Variants in TMEFF1 observed in about 807,000 individuals in gnomAD.
TMEFF1 encodes the protein transmembrane protein with EGF like and two follistatin like domains 1, also known as tomoregulin-1.
In TMEFF1, 20 loss-of-function variants were observed where a neutral mutation model predicts 47.5. The observed-to-expected ratio is 0.42, with a 90% CI of 0.30 to 0.61. The LOEUF is 0.61. Ranked by LOEUF, TMEFF1 falls within the 20% of genes least tolerant of loss-of-function variation. The probability of loss-of-function intolerance (pLI) is 0.19; values close to 1 mark genes in which losing one functional copy is unlikely to be tolerated. For synonymous variants in TMEFF1, 162 were observed against 166.3 expected, an observed-to-expected ratio of 0.97 and a Z score of 0.20; for missense variants, 411 against 471.1, an observed-to-expected ratio of 0.87 and a Z score of 1.18.
In TMEFF1 at chr9:100,516,724, AC is replaced by A; in HGVS notation, c.516del (p.Cys173AlafsTer20). 6.2e-7 allele frequency: 1 copy of A among 1,613,888 alleles called. No individual in the cohort carries two copies. The highest frequency in any genetic ancestry group is 8.5e-7 in the Non-Finnish European group (1 of 1,179,906). ...TTCACAGAAAACACTCCAAGTGTGGACCCTGCAAATATAAAGCTGAGTGTGA... is the reference window on the plus strand; with the variant it reads ...TTCACAGAAAACACTCCAAGTGTGGACCTGCAAATATAAAGCTGAGTGTGA... ...EVHRKHSKCG[P>X]CKYKAECDED... is the part of the protein sequence containing the mutation. On this transcript the variant is annotated frameshift_variant, in exon 5 of 10. Coordinates refer to ENST00000374879, the MANE Select transcript of TMEFF1 (RefSeq NM_003692.5). LOFTEE classifies it high-confidence loss of function.
chr9:100,503,589 C>T (rs981687466), intron 2 of TMEFF1, among the ~76,000 whole-genome samples: 7 of 149,894 alleles, frequency 4.7e-5, no homozygotes, highest in South Asian at 2.1e-4. Flanking sequence ...AATGTGAGAG[C>T]GAGCGAGCAA....
chr9:100,477,620 C>CTTT (rs869245620), intron 1 of TMEFF1, among the ~76,000 whole-genome samples: 97 of 106,748 alleles, frequency 9.1e-4, no homozygotes, highest in East Asian at 2.3e-3. Flanking sequence ...TGCATTCCGC[C>CTTT]TTTTTTTTTT....
chr9:100,542,405 T>C (rs1200333823), intron 5 of TMEFF1, among the ~76,000 whole-genome samples: 3 of 152,196 alleles, frequency 2.0e-5, no homozygotes, highest in Non-Finnish European at 4.4e-5. Context: ...TCTCAGACTT[T>C]CCTTAAAGGA....
intron 8 of TMEFF1, among the ~76,000 whole-genome samples, chr9:100,562,630 GTTTGTTTTGT>G (rs55940754): frequency 0.029 from 4,158 of 142,404 alleles, 94 homozygotes; most frequent in African/African-American, 0.067. Flanking sequence ...TTTTTTTTTT[GTTTGTTTTGT>G]TTTGTTTTGT....
intron 5 of TMEFF1, among the ~76,000 whole-genome samples, chr9:100,516,973 T>A (rs1838085836): frequency 2.0e-5 from 3 of 152,200 alleles, no homozygotes; most frequent in African/African-American, 7.2e-5. Context: ...AATTTTAGAA[T>A]GATAATCCAT....
chr9:100,522,656 T>C (rs1174996938), intron 5 of TMEFF1, among the ~76,000 whole-genome samples: 1 of 151,820 alleles, frequency 6.6e-6, no homozygotes, highest in Non-Finnish European at 1.5e-5. Context: ...AGGCTGGTCT[T>C]GAACTCCTGA....
chr9:100,529,821 A>G (rs1274652432), intron 5 of TMEFF1, among the ~76,000 whole-genome samples: 1 of 152,190 alleles, frequency 6.6e-6, no homozygotes, highest in African/African-American at 2.4e-5. Flanking sequence ...CACCTATTCC[A>G]AAATTGACCA....
At chr9:100,547,227 G>A (rs908073669) in intron 5 of TMEFF1, among the ~76,000 whole-genome samples, 2 of 151,954 alleles carry the variant, frequency 1.3e-5, no homozygotes, top group Admixed American at 6.6e-5. Context: ...TGTTTCCTAG[G>A]CTGGTCTCAA....
intron 2 of TMEFF1, among the ~76,000 whole-genome samples, chr9:100,508,271 A>G (rs1485096172): frequency 6.6e-6 from 1 of 152,072 alleles, no homozygotes; most frequent in African/African-American, 2.4e-5. Flanking sequence ...GATATTTCTA[A>G]CATGTAGATG....
At chr9:100,498,312 C>G (rs1247394239) in intron 1 of TMEFF1, among the ~76,000 whole-genome samples, 1 of 152,000 alleles carries the variant, frequency 6.6e-6, no homozygotes, top group African/African-American at 2.4e-5. Flanking sequence ...AATGATCACC[C>G]AAAATTTATT....
intron 8 of TMEFF1, among the ~76,000 whole-genome samples, chr9:100,565,586 A>G (rs1233004755): frequency 2.0e-5 from 3 of 151,998 alleles, no homozygotes; most frequent in Non-Finnish European, 2.9e-5. Context: ...CCTCTCCTGT[A>G]TGATTTCTTT....
In TMEFF1 at chr9:100,507,787, A is replaced by G. The variant is rs896577325; in HGVS notation, c.307-1218A>G. Among the ~76,000 whole-genome samples, 16 of 152,312 alleles carry G rather than the reference A, an allele frequency of 1.1e-4. No homozygotes were observed. The East Asian group carries it at 2.9e-3, about 27-fold the overall frequency. ...TTTCTTGAACAGTTATACTTCAATT[A>G]AACATTGTCTTGTTAGATATTAAGA... On this transcript the variant is annotated intron_variant, in intron 2 of 9. Transcript: ENST00000374879.
At chr9:100,487,222 A>G (rs115533946) in intron 1 of TMEFF1, among the ~76,000 whole-genome samples, 1 of 151,948 alleles carries the variant, frequency 6.6e-6, no homozygotes, top group Non-Finnish European at 1.5e-5. Context: ...GGAGTACAGT[A>G]TCACTATCTT....
At chr9:100,517,422 C>T (rs1243064863) in intron 5 of TMEFF1, among the ~76,000 whole-genome samples, 2 of 152,150 alleles carry the variant, frequency 1.3e-5, no homozygotes, top group African/African-American at 2.4e-5. Flanking sequence ...CTTACTTGTA[C>T]ATATTTTTGG....
chr9:100,528,350 T>A (rs1446347310), intron 5 of TMEFF1, among the ~76,000 whole-genome samples: 1 of 147,814 alleles, frequency 6.8e-6, no homozygotes, highest in Non-Finnish European at 1.5e-5. Flanking sequence ...TGAAAAAAAT[T>A]TAGAAGAATG....
chr9:100,537,634 C>A (rs1488248412), intron 5 of TMEFF1, among the ~76,000 whole-genome samples: 1 of 152,212 alleles, frequency 6.6e-6, no homozygotes, highest in Non-Finnish European at 1.5e-5. Flanking sequence ...AGTGGAAGAT[C>A]AGAATAGATG....
rs376631095 is a variant in TMEFF1, at chr9:100,566,692, C to CCTTTTTT, written c.899+5194_899+5200dup. 1.8e-3 allele frequency among the ~76,000 whole-genome samples: 272 copies of CCTTTTTT among 152,046 alleles called. 1 individual carries two copies. The highest frequency in any genetic ancestry group is 6.4e-3 in the African/African-American group (264 of 41,468). On this transcript the variant is annotated intron_variant, in intron 8 of 9. Coordinates refer to ENST00000374879, the MANE Select transcript of TMEFF1 (RefSeq NM_003692.5). ...AAACAGCAGACAGTGAGTGCCCCCG[C>CCTTTTTT]CTTTTTTCTTTTTTCTTTTTTCTTT...
Position 100,473,723 on chromosome 9 carries a change from A to G in TMEFF1, c.179A>G (p.Lys60Arg). 2 of 1,530,224 alleles carry G rather than the reference A, an allele frequency of 1.3e-6. No individual in the cohort carries two copies. The highest frequency in any genetic ancestry group is 1.8e-6 in the Non-Finnish European group (2 of 1,137,514). The allele number at this position is 1,530,224 out of a possible 1,614,324, so 94.8% of individuals were successfully genotyped here. Residue 60 changes from lysine (K) to arginine (R), a missense_variant, in exon 1 of 10, where the codon AAG becomes AGG. By Grantham distance (26) the Lys-to-Arg change is conservative. Coordinates refer to ENST00000374879, the MANE Select transcript of TMEFF1 (RefSeq NM_003692.5). This position sits in a 1 kb window ranked among gnomAD's most constrained non-coding sequence, Gnocchi z 5.4. ...GGGGACTGTCCCGGCGGCAAAGGCA[A>G]GAGCATCAACTGCTCAGGTAGGACC... is the stretch of plus-strand genomic sequence containing the variant. Reference protein sequence around the residue: ...SGGDCPGGKGKSINCSELNVR... With the variant: ...SGGDCPGGKGRSINCSELNVR...
intron 5 of TMEFF1, among the ~76,000 whole-genome samples, chr9:100,540,643 G>A (rs1396892350): frequency 6.6e-6 from 1 of 152,264 alleles, no homozygotes; most frequent in Non-Finnish European, 1.5e-5. Context: ...AGGAGGTGCT[G>A]AGAGCGGGTG....
Sources: allele counts gnomAD v4.1 joint callset (sites outside exome capture counted in the v4.1 genomes callset), GRCh38; gene constraint gnomAD v4.1.1; non-coding constraint Gnocchi (gnomAD v3.1); transcripts MANE v1.5; gene names NCBI Gene and HGNC (gene_info 2026-07-23, HGNC 2026-07-21).